USP32: variants seen among roughly 807,000 people sequenced by gnomAD.
The protein encoded by USP32 is ubiquitin specific peptidase 32, also known as ubiquitin carboxyl-terminal hydrolase 32.
Under a neutral mutation model 204.8 loss-of-function variants are expected in USP32, and 59 were observed. The observed-to-expected ratio is 0.29, with a 90% CI of 0.23 to 0.36. The LOEUF is 0.36. USP32 is among the 10% of genes least tolerant of loss of function. The probability of loss-of-function intolerance (pLI) is 1.00; values close to 1 mark genes in which losing one functional copy is unlikely to be tolerated. For missense variants in USP32, 1,160 were observed against 1,946.4 expected, an observed-to-expected ratio of 0.60 and a Z score of 7.60; for synonymous variants, 517 against 678.4, an observed-to-expected ratio of 0.76 and a Z score of 3.70.
chr17:60,271,639 C>T (rs959612466), intron 5 of USP32, among the ~76,000 whole-genome samples, 158 bp from the exon 6 acceptor site: 4 of 151,982 alleles, frequency 2.6e-5, no homozygotes, highest in Non-Finnish European at 5.9e-5. Flanking sequence ...TTTATTATAT[C>T]CAAAATGGTA....
intron 11 of USP32, among the ~76,000 whole-genome samples, chr17:60,237,120 ATCTATC>A (rs2085749613): frequency 9.9e-6 from 1 of 101,134 alleles, no homozygotes; most frequent in South Asian, 3.1e-4. Flanking sequence ...TACTCTATCT[ATCTATC>A]TATCTATCTA....
At chr17:60,191,841 A>G (rs2084390031) in intron 28 of USP32, among the ~76,000 whole-genome samples, 2 of 152,100 alleles carry the variant, frequency 1.3e-5, no homozygotes, top group Admixed American at 1.3e-4. Flanking sequence ...TGCTAAGTCT[A>G]TTGCAGTTCT....
chr17:60,311,632 G>C (rs1329420607), intron 2 of USP32, among the ~76,000 whole-genome samples: 1 of 152,178 alleles, frequency 6.6e-6, no homozygotes, highest in East Asian at 1.9e-4. Flanking sequence ...AAACCAGCCT[G>C]GCCAACATGG....
Position 60,391,867 on chromosome 17 carries a change from C to G in USP32, c.58+15G>C, listed in dbSNP as rs764617478. The G allele has an allele frequency of 3.1e-6, 5 of 1,604,822 alleles. No homozygotes were observed. Among genetic ancestry groups the G allele is most frequent in the South Asian group, 1.1e-5 (1 of 89,600 alleles). On this transcript the variant is annotated intron_variant, in intron 1 of 33. Transcript: ENST00000300896. ...GGGCCTCCCAGGCAGCTCGCCCAGACCCCTCCCCCCTCACCTCTCCTCAGC... is the reference window on the plus strand; with the variant it reads ...GGGCCTCCCAGGCAGCTCGCCCAGAGCCCTCCCCCCTCACCTCTCCTCAGC...
intron 1 of USP32, 90 bp from the exon 2 acceptor site, chr17:60,345,698 G>A: frequency 2.6e-6 from 4 of 1,560,750 alleles, no homozygotes; most frequent in Non-Finnish European, 3.5e-6. Flanking sequence ...AAGAAAAATT[G>A]AGGCTAGGCA....
chr17:60,306,573 G>A (rs1022949388), intron 2 of USP32, among the ~76,000 whole-genome samples: 1 of 152,022 alleles, frequency 6.6e-6, no homozygotes, highest in Non-Finnish European at 1.5e-5. Flanking sequence ...GGAAGGCAGA[G>A]GTTACAATGA....
chr17:60,307,247 G>A (rs537436014), intron 2 of USP32, among the ~76,000 whole-genome samples: 2 of 151,900 alleles, frequency 1.3e-5, no homozygotes, highest in East Asian at 1.9e-4. Context: ...TTACAGGCAC[G>A]CACCACAATA....
intron 5 of USP32, among the ~76,000 whole-genome samples, chr17:60,285,197 T>C (rs925173065): frequency 1.3e-5 from 2 of 152,164 alleles, no homozygotes; most frequent in African/African-American, 4.8e-5. Context: ...AGAATATCCA[T>C]ATGAGTAACA....
At chr17:60,370,029 G>A (rs1262708076) in intron 1 of USP32, among the ~76,000 whole-genome samples, 2 of 151,794 alleles carry the variant, frequency 1.3e-5, no homozygotes, top group African/African-American at 2.4e-5. Context: ...GTAAGCCAGC[G>A]TGCACAGCCT....
intron 1 of USP32, among the ~76,000 whole-genome samples, chr17:60,365,468 C>T (rs966888694): frequency 5.3e-5 from 8 of 151,368 alleles, no homozygotes; most frequent in Non-Finnish European, 8.8e-5. Context: ...GGTGACAGAG[C>T]GAGACTCCAT....
At chr17:60,331,117 T>C (rs1469042316) in intron 2 of USP32, among the ~76,000 whole-genome samples, 1 of 152,130 alleles carries the variant, frequency 6.6e-6, no homozygotes, top group African/African-American at 2.4e-5. Context: ...CTAACAAAGA[T>C]AGAAAAGGAA....
At chr17:60,191,100 T>C (rs1377440228) in intron 28 of USP32, among the ~76,000 whole-genome samples, 1 of 152,078 alleles carries the variant, frequency 6.6e-6, no homozygotes, top group Non-Finnish European at 1.5e-5. Flanking sequence ...ATTAAATAAA[T>C]GCATATAAAA....
intron 3 of USP32, among the ~76,000 whole-genome samples, chr17:60,300,648 T>C (rs2087551514): frequency 6.6e-6 from 1 of 152,250 alleles, no homozygotes; most frequent in African/African-American, 2.4e-5. Flanking sequence ...GACTACTATG[T>C]CTATGTCATC....
rs890724019 is a variant in USP32 at position 60,402,843 on chromosome 17, C to G, written c.106+19403G>C. ...GGAATCCTCTGAAGGCTTTCTCACT[C>G]ATGTCTGCCAGTTGATGCTTGTTGT... is the stretch of plus-strand genomic sequence containing the variant. On this transcript the variant is annotated intron_variant, in intron 1 of 3. Coordinates refer to the USP32 transcript ENST00000588898. Among the ~76,000 whole-genome samples, 5 of 152,274 alleles carry G rather than the reference C, an allele frequency of 3.3e-5. No homozygotes were observed. The East Asian group carries it at 9.7e-4, about 29-fold the overall frequency.
chr17:60,345,381 A>G, intron 2 of USP32, 100 bp downstream of exon 2: 1 of 1,491,526 alleles, frequency 6.7e-7, no homozygotes, highest in Non-Finnish European at 9.0e-7. Context: ...AAATAACTAC[A>G]GGTAAGATTA....
rs139646955 is a variant in USP32, at chr17:60,366,415, C to A, written c.59-20807G>T. Among the ~76,000 whole-genome samples the A allele has an allele frequency of 5.3e-3, 810 of 152,072 alleles. 12 individuals are homozygous for A. Among genetic ancestry groups the A allele is most frequent in the Middle Eastern group, 0.041 (12 of 292 alleles). On this transcript the variant is annotated intron_variant, in intron 1 of 33. Transcript: ENST00000300896. Reference sequence around the variant, plus strand: ...CTCGTGATCTACCTGCCTCGGCCTCCCAAAGTGCTGGGATTACAGGCATGA... The same window carrying A: ...CTCGTGATCTACCTGCCTCGGCCTCACAAAGTGCTGGGATTACAGGCATGA...
At chr17:60,202,262 T>C (rs2084695780) in intron 26 of USP32, among the ~76,000 whole-genome samples, 1 of 152,214 alleles carries the variant, frequency 6.6e-6, no homozygotes, top group South Asian at 2.1e-4. Context: ...ATCCCAATGG[T>C]CTACTTGTCT....
chr17:60,349,681 AC>A (rs1472192535), intron 1 of USP32, among the ~76,000 whole-genome samples: 2 of 139,016 alleles, frequency 1.4e-5, no homozygotes, highest in Non-Finnish European at 1.5e-5. Context: ...ATATATACAC[AC>A]ATATATATAT....
intron 32 of USP32, 30 bp from the exon 33 acceptor site, chr17:60,180,667 T>C (rs1161263671): frequency 6.2e-7 from 1 of 1,607,246 alleles, no homozygotes; most frequent in African/African-American, 1.3e-5. Flanking sequence ...GGAGGTATGT[T>C]AGCAGTTAAC....
Sources: gnomAD v4.1 joint callset for allele counts (sites outside exome capture counted in the v4.1 genomes callset) on GRCh38, gnomAD v4.1.1 for gene constraint, MANE v1.5 for transcripts, NCBI Gene and HGNC (gene_info 2026-07-23, HGNC 2026-07-21) for gene names.